Variants in ESRRG observed in about 807,000 individuals in gnomAD.
ESRRG encodes estrogen related receptor gamma.
Under a neutral mutation model 44.0 loss-of-function variants are expected in ESRRG, and 13 were observed. That is an observed-to-expected ratio of 0.30 (90% CI 0.19 to 0.47). The LOEUF is 0.47. Among genes scored for constraint, ESRRG ranks in the 20% least tolerant of loss-of-function variants. ESRRG has a pLI of 1.00. For synonymous variants in ESRRG, 215 were observed against 214.6 expected (o/e 1.00, Z -0.02); for missense variants, 395 against 580.6 (o/e 0.68, Z 3.29).
At chr1:216,921,862 A>G (rs1223458420) in intron 2 of ESRRG, among the ~76,000 whole-genome samples, 2 of 152,220 alleles carry the variant, frequency 1.3e-5, no homozygotes, top group African/African-American at 4.8e-5. Flanking sequence ...AGAAATATTT[A>G]TGAGATGAAC....
At chr1:217,087,010 C>G (rs956771784) in intron 1 of ESRRG, among the ~76,000 whole-genome samples, 3 of 152,214 alleles carry the variant, frequency 2.0e-5, no homozygotes, top group South Asian at 4.2e-4. Context: ...CAATGACACA[C>G]TCATCCAAGG....
At chr1:216,683,063 C>T (rs576499127) in intron 1 of ESRRG, among the ~76,000 whole-genome samples, 1 of 152,252 alleles carries the variant, frequency 6.6e-6, no homozygotes, top group East Asian at 1.9e-4. Flanking sequence ...GACTACTTTA[C>T]AGAGACAGGG....
chr1:216,984,830 TGG>T (rs2074601235), intron 1 of ESRRG, among the ~76,000 whole-genome samples: 1 of 152,226 alleles, frequency 6.6e-6, no homozygotes, highest in African/African-American at 2.4e-5. Context: ...AGGAGAAGTC[TGG>T]GTCCATAAAC....
chr1:216,695,655 C>T (rs932656454), intron 1 of ESRRG, among the ~76,000 whole-genome samples: 23 of 152,238 alleles, frequency 1.5e-4, no homozygotes, highest in African/African-American at 5.1e-4. Flanking sequence ...GAATGAATTA[C>T]AAAGCATCAC....
At chr1:216,994,757 A>AT (rs71303008) in intron 1 of ESRRG, among the ~76,000 whole-genome samples, 34,157 of 148,202 alleles carry the variant, frequency 0.23, 3,963 homozygotes, top group Admixed American at 0.31. Context: ...AATTTTTTGT[A>AT]TTTTTTTTTT....
chr1:216,716,477 G>A (rs2084903614), intron 1 of ESRRG, among the ~76,000 whole-genome samples: 1 of 151,900 alleles, frequency 6.6e-6, no homozygotes, highest in Non-Finnish European at 1.5e-5. Context: ...TGACATGTCT[G>A]TGATATGCCT....
chr1:216,836,623 A>G (rs1335843646), intron 2 of ESRRG, among the ~76,000 whole-genome samples: 1 of 152,100 alleles, frequency 6.6e-6, no homozygotes, highest in Non-Finnish European at 1.5e-5. Context: ...CTTGGCATAA[A>G]TGAGTTTTAC....
intron 2 of ESRRG, among the ~76,000 whole-genome samples, chr1:216,669,584 G>A (rs2074712934): frequency 6.6e-6 from 1 of 152,200 alleles, no homozygotes; most frequent in South Asian, 2.1e-4. Context: ...TACAACAAAA[G>A]CAAGTTAAGA....
At chr1:216,660,129 C>T (rs1187861569) in intron 2 of ESRRG, among the ~76,000 whole-genome samples, 1 of 152,006 alleles carries the variant, frequency 6.6e-6, no homozygotes, top group Non-Finnish European at 1.5e-5. Context: ...TTGCTTCAGC[C>T]CCCTTGTTTT....
At chr1:216,601,311 G>A (rs554469358) in intron 3 of ESRRG, among the ~76,000 whole-genome samples, 84 of 152,196 alleles carry the variant, frequency 5.5e-4, no homozygotes, top group African/African-American at 2.0e-3. Flanking sequence ...GGACTTCCTG[G>A]GAGCCACCGC....
intron 2 of ESRRG, among the ~76,000 whole-genome samples, chr1:216,879,010 A>C (rs1488163485): frequency 6.6e-6 from 1 of 152,248 alleles, no homozygotes; most frequent in Non-Finnish European, 1.5e-5. Context: ...TGGACAAAAA[A>C]GCGCTAGGTG....
chr1:216,628,348 G>A (rs992418616), intron 3 of ESRRG, among the ~76,000 whole-genome samples: 1 of 152,132 alleles, frequency 6.6e-6, no homozygotes, highest in East Asian at 1.9e-4. Flanking sequence ...TTGCACTCCT[G>A]GGCTCAAGCA....
intron 2 of ESRRG, among the ~76,000 whole-genome samples, chr1:216,766,434 T>G (rs1368422012): frequency 2.0e-5 from 3 of 152,076 alleles, no homozygotes; most frequent in Non-Finnish European, 4.4e-5. Context: ...CCTGCCATCT[T>G]TCCCTCTCAT....
chr1:216,939,360 A>AAAC (rs2064786205), intron 2 of ESRRG, among the ~76,000 whole-genome samples: 2 of 142,366 alleles, frequency 1.4e-5, no homozygotes, highest in African/African-American at 5.7e-5. Flanking sequence ...AAAAAAAAAA[A>AAAC]AAAAAAAAAA....
At chr1:216,518,957 G>A (rs971970567) in intron 6 of ESRRG, among the ~76,000 whole-genome samples, 195 bp downstream of exon 6, 2 of 152,104 alleles carry the variant, frequency 1.3e-5, no homozygotes, top group African/African-American at 4.8e-5. Flanking sequence ...CAATAAGCAA[G>A]TCAAATGAAA....
At chr1:216,686,073 T>C (rs2077885386) in intron 1 of ESRRG, 1 of 152,234 alleles carries the variant, frequency 6.6e-6, no homozygotes, top group Admixed American at 6.5e-5. Flanking sequence ...ACTATATTTA[T>C]ATTTTTACCT....
intron 5 of ESRRG, among the ~76,000 whole-genome samples, chr1:216,554,561 A>G (rs1207935659): frequency 6.6e-6 from 1 of 152,054 alleles, no homozygotes; most frequent in Non-Finnish European, 1.5e-5. Flanking sequence ...GCTAGAGCCC[A>G]GTAGTTCCAG....
intron 1 of ESRRG, among the ~76,000 whole-genome samples, chr1:217,133,637 C>CTTTCTTTCTTTCTT (rs1553294741): frequency 5.0e-5 from 2 of 40,306 alleles, no homozygotes; most frequent in African/African-American, 2.1e-4. Flanking sequence ...TTCTTTCTCT[C>CTTTCTTTCTTTCTT]TCTCTCTCTC....
At chr1:216,534,594 G>T (rs367913898) in intron 5 of ESRRG, among the ~76,000 whole-genome samples, 3 of 152,266 alleles carry the variant, frequency 2.0e-5, no homozygotes, top group African/African-American at 7.2e-5. Flanking sequence ...AACGTTTGTA[G>T]TTCACATGTA....
Sources: gnomAD v4.1 joint callset for allele counts (sites outside exome capture counted in the v4.1 genomes callset) on GRCh38, gnomAD v4.1.1 for gene constraint, MANE v1.5 for transcripts, NCBI Gene and HGNC (gene_info 2026-07-23, HGNC 2026-07-21) for gene names.